IL1RAPL2: variants seen among roughly 807,000 people sequenced by gnomAD.
IL1RAPL2 encodes the protein interleukin 1 receptor accessory protein like 2.
Under a neutral mutation model 44.1 loss-of-function variants are expected in IL1RAPL2, and 3 were observed. The ratio of observed to expected loss-of-function variants is 0.07; its 90% CI spans 0.03 to 0.18. The LOEUF is 0.18. Ranked by LOEUF, IL1RAPL2 falls within the 10% of genes least tolerant of loss-of-function variation. IL1RAPL2 has a pLI of 1.00. For synonymous variants in IL1RAPL2, 181 were observed against 178.8 expected (o/e 1.01, Z -0.10); for missense variants, 391 against 496.4 (o/e 0.79, Z 2.02).
chrX:105,011,590 C>T (rs2031048650), intron 2 of IL1RAPL2, among the ~76,000 whole-genome samples: 1 of 111,543 alleles, frequency 9.0e-6, no homozygotes, highest in Non-Finnish European at 1.9e-5. Flanking sequence ...TGGCTTATTT[C>T]ACTTATCAAG....
At chrX:105,250,729 ATAATTACACAGT>A (rs2034262448) in intron 4 of IL1RAPL2, among the ~76,000 whole-genome samples, 1 of 111,156 alleles carries the variant, frequency 9.0e-6, no homozygotes, top group Non-Finnish European at 1.9e-5. Flanking sequence ...ACTGGACAAC[ATAATTACACAGT>A]TAATATAAAT....
At chrX:105,030,249 A>G (rs2031462899) in intron 2 of IL1RAPL2, among the ~76,000 whole-genome samples, 1 of 110,989 alleles carries the variant, frequency 9.0e-6, no homozygotes, top group African/African-American at 3.3e-5. Flanking sequence ...CTTTAGTTTA[A>G]TTAGATCCCA....
At chrX:105,548,086 C>A (rs924187193) in intron 6 of IL1RAPL2, among the ~76,000 whole-genome samples, 2 of 111,682 alleles carry the variant, frequency 1.8e-5, no homozygotes, top group Non-Finnish European at 3.8e-5. Context: ...TCCAAGCACA[C>A]AGCTGTCTAC....
chrX:105,321,083 G>C (rs1035947195), intron 5 of IL1RAPL2, among the ~76,000 whole-genome samples: 6 of 111,735 alleles, frequency 5.4e-5, no homozygotes, highest in Admixed American at 1.9e-4. Flanking sequence ...CTATGGGTTT[G>C]GGGTGGGGCA....
chrX:105,352,008 C>T (rs2035159480), intron 5 of IL1RAPL2, among the ~76,000 whole-genome samples: 1 of 111,591 alleles, frequency 9.0e-6, no homozygotes, highest in Admixed American at 9.6e-5. Context: ...ACTGCAGTGG[C>T]ATGAACTCAG....
At chrX:104,969,944 T>C (rs1016889700) in intron 2 of IL1RAPL2, among the ~76,000 whole-genome samples, 4 of 111,341 alleles carry the variant, frequency 3.6e-5, no homozygotes, top group Admixed American at 9.6e-5. Flanking sequence ...TAAAGATTTT[T>C]CCCTTATTAT....
intron 5 of IL1RAPL2, among the ~76,000 whole-genome samples, chrX:105,300,117 C>A (rs1295518062): frequency 9.0e-6 from 1 of 111,515 alleles, no homozygotes; most frequent in Non-Finnish European, 1.9e-5. Flanking sequence ...AAAAGAAATA[C>A]AACAATAATT....
At chrX:104,628,683 G>C (rs1470117240) in intron 1 of IL1RAPL2, among the ~76,000 whole-genome samples, 2 of 111,789 alleles carry the variant, frequency 1.8e-5, no homozygotes, top group African/African-American at 6.5e-5. Flanking sequence ...TTGTATGGTA[G>C]TTTTATTTTT....
At chrX:105,165,236 A>G (rs2033362615) in intron 2 of IL1RAPL2, among the ~76,000 whole-genome samples, 1 of 111,909 alleles carries the variant, frequency 8.9e-6, no homozygotes, top group Non-Finnish European at 1.9e-5. Context: ...TTTATTATAT[A>G]TTCTTCCTTT....
intron 2 of IL1RAPL2, among the ~76,000 whole-genome samples, chrX:104,950,492 GC>G (rs1381288738): frequency 4.4e-5 from 5 of 112,462 alleles, no homozygotes; most frequent in African/African-American, 1.6e-4. Flanking sequence ...GCTGTGGTGG[GC>G]TCCACCCATT....
chrX:104,592,555 C>T (rs574779761), intron 1 of IL1RAPL2, among the ~76,000 whole-genome samples: 4 of 111,300 alleles, frequency 3.6e-5, no homozygotes, highest in African/African-American at 9.8e-5. Flanking sequence ...CCTTTCTGGT[C>T]CATCATTTTA....
intron 5 of IL1RAPL2, among the ~76,000 whole-genome samples, chrX:105,352,952 A>T (rs867001751): frequency 1.8e-5 from 2 of 109,316 alleles, no homozygotes; most frequent in East Asian, 5.8e-4. Context: ...CCCATTTGTC[A>T]ATTTTGGCTT....
chrX:104,895,533 A>G (rs903929112), intron 2 of IL1RAPL2, among the ~76,000 whole-genome samples: 2 of 112,190 alleles, frequency 1.8e-5, no homozygotes, highest in East Asian at 2.8e-4. Flanking sequence ...TCAATCTCAG[A>G]CTGCTGTGCT....
At chrX:105,697,123 C>T (rs968563332) in intron 6 of IL1RAPL2, among the ~76,000 whole-genome samples, 1 of 109,865 alleles carries the variant, frequency 9.1e-6, no homozygotes, top group Admixed American at 9.7e-5. Context: ...ATAGAGCTCT[C>T]GAGAGCTCAT....
chrX:104,670,419 C>T (rs1930571749), intron 2 of IL1RAPL2, among the ~76,000 whole-genome samples: 1 of 111,278 alleles, frequency 9.0e-6, no homozygotes, highest in Admixed American at 9.5e-5. Context: ...ATGGTGCCCA[C>T]CCATACTGAG....
chrX:104,950,105 T>A (rs189084463), intron 2 of IL1RAPL2, among the ~76,000 whole-genome samples: 1 of 111,775 alleles, frequency 8.9e-6, no homozygotes, highest in Non-Finnish European at 1.9e-5. Context: ...TGGGTGCTCC[T>A]GTATTGGGTG....
intron 3 of IL1RAPL2, among the ~76,000 whole-genome samples, chrX:105,209,049 A>G (rs1556155168): frequency 8.9e-6 from 1 of 112,109 alleles, no homozygotes; most frequent in Non-Finnish European, 1.9e-5. Context: ...CAATAGAAAT[A>G]GATGACAGGA....
At chrX:104,571,674 CTCTT>C (rs1228823742) in intron 1 of IL1RAPL2, among the ~76,000 whole-genome samples, 8 of 112,206 alleles carry the variant, frequency 7.1e-5, no homozygotes, top group Non-Finnish European at 1.3e-4. Flanking sequence ...TCCACTAAAC[CTCTT>C]TCTTTTATAA....
intron 2 of IL1RAPL2, among the ~76,000 whole-genome samples, chrX:104,778,699 A>G (rs1241258327): frequency 9.2e-6 from 1 of 108,433 alleles, no homozygotes; most frequent in Non-Finnish European, 1.9e-5. Flanking sequence ...TTTGAGATAT[A>G]TAGATTATTA....
Sources: allele counts gnomAD v4.1 joint callset (sites outside exome capture counted in the v4.1 genomes callset), GRCh38; gene constraint gnomAD v4.1.1; transcripts MANE v1.5; gene names NCBI Gene and HGNC (gene_info 2026-07-23, HGNC 2026-07-21).